ROCK1: variants seen among roughly 807,000 people sequenced by gnomAD.
ROCK1 encodes the protein Rho associated coiled-coil containing protein kinase 1.
A neutral mutation model predicts 196.8 loss-of-function variants in ROCK1; 36 were observed. The observed-to-expected ratio is 0.18, with a 90% CI of 0.14 to 0.24. ROCK1 has a LOEUF of 0.24. Among genes scored for constraint, ROCK1 ranks in the 10% least tolerant of loss-of-function variants. The pLI is 1.00. For missense variants in ROCK1, 920 were observed against 1,562.0 expected (o/e 0.59, Z 6.93); for synonymous variants, 443 against 515.9 (o/e 0.86, Z 1.91).
chr18:21,029,501 T>C (rs1319279073), intron 9 of ROCK1, among the ~76,000 whole-genome samples: 1 of 152,202 alleles, frequency 6.6e-6, no homozygotes, highest in East Asian at 1.9e-4. Context: ...ACAGGAGCAA[T>C]GGATTTGGAA....
chr18:21,043,888 T>C lies in ROCK1; in HGVS notation c.675+214A>G, dbSNP rs561319258. Reference sequence around the variant, plus strand: ...TAAATCTGGCAATCCATATTTACCCTAAATAGAGAGGAAAAAATAAATCAC... The same window carrying C: ...TAAATCTGGCAATCCATATTTACCCCAAATAGAGAGGAAAAAATAAATCAC... On this transcript the variant is annotated intron_variant, in intron 6 of 32. Transcript: ENST00000399799. Among the ~76,000 whole-genome samples, 20 of 152,146 alleles carry C rather than the reference T, an allele frequency of 1.3e-4. 2 individuals are homozygous for C. The East Asian group carries it at 3.9e-3, about 29-fold the overall frequency.
At position 21,039,538 on chromosome 18, in the gene ROCK1, C is replaced by T. The variant is rs765005408; in HGVS notation, c.985G>A (p.Val329Ile). ...DREVRLGRNG[V>I]EEIKRHLFFK... ...AAGAGATGTCGTTTGATTTCTTCTA[C>T]ACCATTTCGCCCTAACCTCACTTCC... Residue 329 changes from valine to isoleucine, a missense_variant, in exon 9 of 33, where the codon GTA becomes ATA. This residue lies in a region of ROCK1 where 234 missense variants were observed against 460.7 expected (regional missense o/e 0.51). Transcript: ENST00000399799. 2.5e-6 allele frequency: 4 copies of T among 1,613,708 alleles called. No individual in the cohort carries two copies. Among genetic ancestry groups the T allele is most frequent in the East Asian group, 2.2e-5 (1 of 44,838 alleles).
At chr18:21,068,931 C>A (rs1048462936) in intron 2 of ROCK1, among the ~76,000 whole-genome samples, 1 of 152,050 alleles carries the variant, frequency 6.6e-6, no homozygotes, top group Non-Finnish European at 1.5e-5. Flanking sequence ...TTACTTCTTC[C>A]TTTTCAATCT....
chr18:21,094,334 C>G (rs2036594866), intron 1 of ROCK1, among the ~76,000 whole-genome samples: 1 of 152,002 alleles, frequency 6.6e-6, no homozygotes, highest in Non-Finnish European at 1.5e-5. Flanking sequence ...AGGAGGCAAC[C>G]TAAAGAATGG....
chr18:21,093,900 G>C (rs1260590063), intron 1 of ROCK1, among the ~76,000 whole-genome samples: 2 of 151,372 alleles, frequency 1.3e-5, no homozygotes, highest in Non-Finnish European at 2.9e-5. Flanking sequence ...AGGTTGCAGT[G>C]AGCCGAGATC....
intron 29 of ROCK1, among the ~76,000 whole-genome samples, chr18:20,957,150 T>A (rs1311351777): frequency 6.6e-6 from 1 of 152,190 alleles, no homozygotes. Flanking sequence ...TAACCCAGGA[T>A]TCCAATCCTG....
intron 4 of ROCK1, among the ~76,000 whole-genome samples, chr18:21,047,967 T>A (rs1269196929): frequency 6.6e-6 from 1 of 152,156 alleles, no homozygotes; most frequent in East Asian, 1.9e-4. Context: ...TTCCCCCGTA[T>A]GACATTTTGC....
rs2036115567 is a variant in ROCK1 at position 21,042,485 on chromosome 18, T to G, written c.820+80A>C. On this transcript the variant is annotated intron_variant, in intron 7 of 32. Transcript: ENST00000399799. ...ATAAAATCAAGATTGCTTAATATAATAAATATATTAGAAAGAGCCAAGTGG... is the reference window on the plus strand; with the variant it reads ...ATAAAATCAAGATTGCTTAATATAAGAAATATATTAGAAAGAGCCAAGTGG... 10 of 1,373,826 alleles carry G rather than the reference T, an allele frequency of 7.3e-6. No homozygotes were observed. In the Admixed American group the frequency reaches 1.4e-4, roughly 19 times the overall value. 85.1% of individuals were successfully genotyped at this position (1,373,826 alleles called of 1,614,324 possible). A position where few individuals can be genotyped will look rare whatever the true frequency, so the allele number is the denominator to read the frequency against.
chr18:20,957,485 C>CTT (rs60294950), intron 29 of ROCK1, among the ~76,000 whole-genome samples: 29 of 144,984 alleles, frequency 2.0e-4, no homozygotes, highest in Admixed American at 3.4e-4. Flanking sequence ...TTTCCTTTTT[C>CTT]TTTTTTTTTT....
chr18:21,078,994 G>A (rs1443482682), intron 1 of ROCK1, among the ~76,000 whole-genome samples: 1 of 152,110 alleles, frequency 6.6e-6, no homozygotes, highest in Non-Finnish European at 1.5e-5. Flanking sequence ...CTAAATTGGG[G>A]TATAGAGAAG....
chr18:21,078,373 C>CACACACAGAGAG (rs1491188980), intron 1 of ROCK1, among the ~76,000 whole-genome samples: 7 of 66,118 alleles, frequency 1.1e-4, no homozygotes, highest in Admixed American at 4.4e-4. Context: ...CACACACACA[C>CACACACAGAGAG]AGAGAGAGAG....
At chr18:20,991,416 G>A (rs1278623030) in intron 17 of ROCK1, 90 bp from the exon 18 acceptor site, 1 of 848,228 alleles carries the variant, frequency 1.2e-6, no homozygotes, top group East Asian at 2.8e-5. Context: ...GAAGAGATAT[G>A]ATGCCTTATT....
chr18:20,978,783 CA>C (rs1568373437), intron 22 of ROCK1, among the ~76,000 whole-genome samples: 3 of 152,148 alleles, frequency 2.0e-5, no homozygotes, highest in African/African-American at 7.2e-5. Context: ...GGAAAGAAGG[CA>C]TAATTAGGAG....
rs111462938 is a variant in ROCK1, at chr18:21,034,060, A to C, written c.1052-5125T>G. 6.5e-3 allele frequency among the ~76,000 whole-genome samples: 976 copies of C among 151,148 alleles called. 13 individuals carry two copies. Among genetic ancestry groups the C allele is most frequent in the African/African-American group, 0.023 (938 of 41,270 alleles). The stretch of plus-strand genomic sequence containing the variant: ...AAAAAAAAAAAAAAAATGAAAAAAA[A>C]AGTCAAAAAGAAATACCTAGGAACA... On this transcript the variant is annotated intron_variant, in intron 9 of 32. Coordinates refer to ENST00000399799, the MANE Select transcript of ROCK1 (RefSeq NM_005406.3).
chr18:21,038,879 A>G (rs1054644662), intron 9 of ROCK1, among the ~76,000 whole-genome samples: 1 of 152,226 alleles, frequency 6.6e-6, no homozygotes, highest in Non-Finnish European at 1.5e-5. Flanking sequence ...GTTTTCTGTG[A>G]ATCATCTTGT....
chr18:21,104,965 T>C (rs2036691494), intron 1 of ROCK1, among the ~76,000 whole-genome samples: 1 of 152,210 alleles, frequency 6.6e-6, no homozygotes, highest in African/African-American at 2.4e-5. Flanking sequence ...TATGAGCGGC[T>C]TGAGGTGCCA....
Position 21,110,998 on chromosome 18 carries a change from G to A in ROCK1, c.-88C>T. On this transcript the variant is annotated 5_prime_UTR_variant, in exon 1 of 33. Transcript: ENST00000399799. The stretch of plus-strand genomic sequence containing the variant: ...CTTCCTCCGCGGTGGGTTCGCAGCC[G>A]CGGGGCGGAGGAGCCGGAACCTCAG... 1 of 1,110,010 alleles carries A rather than the reference G, an allele frequency of 9.0e-7. No homozygotes were observed. Among genetic ancestry groups the A allele is most frequent in the Non-Finnish European group, 1.4e-6 (1 of 737,320 alleles). The allele number at this position is 1,110,010 out of a possible 1,614,324, so 68.8% of individuals were successfully genotyped here. A position where few individuals can be genotyped will look rare whatever the true frequency, so the allele number is the denominator to read the frequency against.
At chr18:20,990,574 A>G (rs1179251258) in intron 18 of ROCK1, among the ~76,000 whole-genome samples, 3 of 150,646 alleles carry the variant, frequency 2.0e-5, no homozygotes, top group Non-Finnish European at 4.4e-5. Context: ...GGTGCCTGTA[A>G]TCCCAGCTAC....
Position 20,969,466 on chromosome 18 carries a change from A to G in ROCK1, c.2821-258T>C, listed in dbSNP as rs567949402. The G allele has an allele frequency of 3.3e-5, 9 of 271,424 alleles. No individual in the cohort carries two copies. The Admixed American group carries it at 4.7e-4, about 14-fold the overall frequency. 16.8% of individuals were successfully genotyped at this position (271,424 alleles called of 1,614,324 possible). On this transcript the variant is annotated intron_variant, in intron 23 of 32. Transcript: ENST00000399799. ...GGGCATATGTAATGGCAAGATAACT[A>G]GATTGCAAACTAAGAAATTTGTATT...
Sources: gnomAD v4.1 joint callset for allele counts (sites outside exome capture counted in the v4.1 genomes callset) on GRCh38, gnomAD v4.1.1 for gene constraint, gnomAD v4.1.1 regional missense constraint, MANE v1.5 for transcripts, NCBI Gene and HGNC (gene_info 2026-07-23, HGNC 2026-07-21) for gene names.